The following SI variants were observed in gnomAD, a reference collection of about 807,000 sequenced individuals.
The protein encoded by SI is sucrase-isomaltase, intestinal.
A neutral mutation model predicts 253.3 loss-of-function variants in SI; 235 were observed. That is an observed-to-expected ratio of 0.93 (90% CI 0.83 to 1.03). SI has a LOEUF of 1.03. Among genes scored for constraint, SI ranks in the 50% least tolerant of loss-of-function variants. The pLI is 0.00. For synonymous variants in SI, 819 were observed against 712.0 expected (o/e 1.15, Z -2.39); for missense variants, 2,442 against 2,211.1 (o/e 1.10, Z -2.09).
chr3:165,040,839 G>A (rs951646645), intron 18 of SI, 101 bp downstream of exon 18: 11 of 922,658 alleles, frequency 1.2e-5, no homozygotes, highest in Middle Eastern at 2.3e-4. Context: ...ACAAGCAGCA[G>A]AAGTTTAATT....
At chr3:165,017,155 T>TAAA (rs1719077006) in intron 31 of SI, among the ~76,000 whole-genome samples, 2 of 151,878 alleles carry the variant, frequency 1.3e-5, no homozygotes, top group Non-Finnish European at 2.9e-5. Context: ...AAAAAAAAAT[T>TAAA]AGTTCCACCT....
intron 42 of SI, 21 bp downstream of exon 42, chr3:164,992,292 A>G (rs1212889087): frequency 6.2e-7 from 1 of 1,612,468 alleles, no homozygotes. Context: ...TGTGTAAACA[A>G]AAATATGTGG....
upstream of SI, among the ~76,000 whole-genome samples, chr3:165,081,412 A>G (rs1053660340): frequency 6.6e-6 from 1 of 151,922 alleles, no homozygotes; most frequent in Non-Finnish European, 1.5e-5. Context: ...TACTCTCTTT[A>G]GGGAGTATTA....
At chr3:164,995,395 T>G (rs1717963632) in intron 40 of SI, among the ~76,000 whole-genome samples, 3 of 151,840 alleles carry the variant, frequency 2.0e-5, no homozygotes. Context: ...ATTGACCTCA[T>G]TAATATGATT....
intron 28 of SI, among the ~76,000 whole-genome samples, chr3:165,018,480 AATG>A (rs1719149630): frequency 6.6e-6 from 1 of 150,828 alleles, no homozygotes; most frequent in African/African-American, 2.4e-5. Flanking sequence ...ATGTCCTAGA[AATG>A]ATAAAAGTGA....
Position 165,050,007 on chromosome 3 carries a change from T to C in SI, c.1513-132A>G, listed in dbSNP as rs191069510. 193 of 655,590 alleles carry C rather than the reference T, an allele frequency of 2.9e-4. 3 individuals are homozygous for C. In the South Asian group the frequency reaches 3.2e-3, roughly 11 times the overall value. The allele number at this position is 655,590 out of a possible 1,614,324, so 40.6% of individuals were successfully genotyped here. On this transcript the variant is annotated intron_variant, in intron 13 of 47. Coordinates refer to ENST00000264382, the MANE Select transcript of SI (RefSeq NM_001041.4). ...CTCGTTAATTCCTAGAAGATAAATA[T>C]AAGCTACCAACCTAAAAATAAACAG...
At chr3:165,030,899 GAAA>G in intron 24 of SI, 32 bp from the exon 25 acceptor site, 3 of 1,127,400 alleles carry the variant, frequency 2.7e-6, no homozygotes, top group Non-Finnish European at 3.5e-6. Context: ...AAGAAAAAAA[GAAA>G]AAAAAAACAC....
intron 6 of SI, 27 bp downstream of exon 6, chr3:165,067,311 CTT>C (rs770375832): frequency 1.5e-5 from 22 of 1,457,726 alleles, no homozygotes; most frequent in South Asian, 4.8e-5. Context: ...ATAGAATAAA[CTT>C]ATATAATTGT....
chr3:165,086,518 G>A, the SI span, among the ~76,000 whole-genome samples: 1 of 152,096 alleles, frequency 6.6e-6, no homozygotes, highest in African/African-American at 2.4e-5. Flanking sequence ...TTGGCAACAG[G>A]ATTTTTCAAA....
At chr3:165,090,149 TA>T in the SI span, among the ~76,000 whole-genome samples, 7,788 of 144,034 alleles carry the variant, frequency 0.054, 361 homozygotes, top group African/African-American at 0.12. Flanking sequence ...TGCATTTATT[TA>T]AAAAAAAAAA....
intron 15 of SI, 106 bp downstream of exon 15, chr3:165,049,021 C>A (rs13072647): frequency 4.7e-5 from 6 of 126,846 alleles, no homozygotes; most frequent in Admixed American, 1.4e-4. Context: ...TATTATCTTT[C>A]TTTTTTCAAC....
Position 165,023,617 on chromosome 3 carries a change from G to C in SI, c.3052C>G (p.Leu1018Val), listed in dbSNP as rs778485911. 6.2e-7 allele frequency: 1 copy of C among 1,610,826 alleles called. No homozygotes were observed. The highest frequency in any genetic ancestry group is 8.5e-7 in the Non-Finnish European group (1 of 1,177,896). The change falls in exon 26 of 48, where the codon CTT becomes GTT. Residue 1018 changes from leucine to valine, a missense_variant. Leu to Val is a conservative substitution (Grantham distance 32). Coordinates refer to ENST00000264382, the MANE Select transcript of SI (RefSeq NM_001041.4). ...TTGTGATATTTCACCTCCACACGAA[G>C]AGTTGAGATGGGGTCAGAAGGTAAC... ...IKLPSDPIST[L>V]RVEVKYHKND...
At chr3:165,082,390 C>A (rs1170368464), upstream of SI, among the ~76,000 whole-genome samples, 1 of 151,958 alleles carries the variant, frequency 6.6e-6, no homozygotes, top group Non-Finnish European at 1.5e-5. Flanking sequence ...CAACTTTTCT[C>A]TTTTCTCTAA....
At chr3:165,085,939 T>C in the SI span, among the ~76,000 whole-genome samples, 2 of 152,112 alleles carry the variant, frequency 1.3e-5, no homozygotes, top group African/African-American at 4.8e-5. Flanking sequence ...TAGGTTTACA[T>C]TGTAGTACTC....
intron 7 of SI, 55 bp from the exon 8 acceptor site, chr3:165,063,596 G>T: frequency 1.3e-6 from 1 of 783,976 alleles, no homozygotes; most frequent in East Asian, 2.7e-5. Flanking sequence ...AACACAAAAA[G>T]ATTATATATT....
At chr3:165,055,682 G>A (rs1430127285) in intron 12 of SI, among the ~76,000 whole-genome samples, 1 of 151,956 alleles carries the variant, frequency 6.6e-6, no homozygotes, top group Non-Finnish European at 1.5e-5. Flanking sequence ...TTCCAAAGGT[G>A]TATGCCTCCA....
At chr3:165,062,258 A>G in intron 9 of SI, 113 bp downstream of exon 9, 1 of 658,654 alleles carries the variant, frequency 1.5e-6, no homozygotes, top group Non-Finnish European at 2.7e-6. Flanking sequence ...ATTTTCGAAA[A>G]CATTTAGCTA....
intron 37 of SI, among the ~76,000 whole-genome samples, 162 bp downstream of exon 37, chr3:165,006,654 G>A (rs1718523928): frequency 6.6e-6 from 1 of 152,036 alleles, no homozygotes; most frequent in Non-Finnish European, 1.5e-5. Flanking sequence ...TAGATAGAAA[G>A]AAACACATTT....
intron 12 of SI, among the ~76,000 whole-genome samples, chr3:165,058,036 A>T (rs1354309216): frequency 2.1e-5 from 3 of 142,702 alleles, no homozygotes; most frequent in African/African-American, 7.6e-5. Context: ...TCAGGCCAAA[A>T]AACAAGTCTT....
Sources: gnomAD v4.1 joint callset for allele counts (sites outside exome capture counted in the v4.1 genomes callset) on GRCh38, gnomAD v4.1.1 for gene constraint, MANE v1.5 for transcripts, NCBI Gene and HGNC (gene_info 2026-07-23, HGNC 2026-07-21) for gene names.